SPIDR: variants seen among roughly 807,000 people sequenced by gnomAD.
The protein encoded by SPIDR is scaffold protein involved in DNA repair.
Under a neutral mutation model 104.6 loss-of-function variants are expected in SPIDR, and 93 were observed. The ratio of observed to expected loss-of-function variants is 0.89; its 90% CI spans 0.75 to 1.06. The LOEUF (loss-of-function observed/expected upper bound fraction) is 1.06, where lower values mean the gene tolerates loss of function less well. Ranked by LOEUF, SPIDR falls within the 50% of genes least tolerant of loss-of-function variation. The pLI is 0.00. For missense variants in SPIDR, 1,154 were observed against 1,111.2 expected, an observed-to-expected ratio of 1.04 and a Z score of -0.55; for synonymous variants, 431 against 416.9, an observed-to-expected ratio of 1.03 and a Z score of -0.41.
At chr8:47,551,864 G>A (rs2090546940) in intron 8 of SPIDR, among the ~76,000 whole-genome samples, 1 of 152,004 alleles carries the variant, frequency 6.6e-6, no homozygotes, top group Non-Finnish European at 1.5e-5. Context: ...TGTGATGTTA[G>A]GGTGTCAATT....
chr8:47,422,512 C>G (rs1357473352), intron 7 of SPIDR, among the ~76,000 whole-genome samples: 1 of 152,222 alleles, frequency 6.6e-6, no homozygotes, highest in Non-Finnish European at 1.5e-5. Flanking sequence ...TCTGTCACCC[C>G]TTTCCTTAGC....
intron 5 of SPIDR, among the ~76,000 whole-genome samples, chr8:47,312,491 T>A (rs2044392964): frequency 6.6e-6 from 1 of 152,230 alleles, no homozygotes; most frequent in African/African-American, 2.4e-5. Context: ...CATTTTTTCA[T>A]GTGTTTTTTG....
At chr8:47,728,789 G>C (rs2084725755) in intron 17 of SPIDR, 144 bp from the exon 18 acceptor site, 1 of 870,856 alleles carries the variant, frequency 1.1e-6, no homozygotes, top group East Asian at 2.7e-5. Flanking sequence ...GCAGCTGCAG[G>C]CCTCTCTCAG....
chr8:47,396,326 A>ATC (rs1588143168), intron 5 of SPIDR, 50 bp from the exon 6 acceptor site: 1 of 1,448,772 alleles, frequency 6.9e-7, no homozygotes, highest in East Asian at 2.3e-5. Context: ...GGACTTGAAT[A>ATC]AAGTATCCTT....
At chr8:47,706,896 T>C (rs2081168628) in intron 14 of SPIDR, among the ~76,000 whole-genome samples, 1 of 152,100 alleles carries the variant, frequency 6.6e-6, no homozygotes, top group African/African-American at 2.4e-5. Flanking sequence ...GGCAGGAGGA[T>C]CACTTGAGGC....
At position 47,405,291 on chromosome 8, in the gene SPIDR, CGTGTGT is replaced by C. The variant is rs34302817; in HGVS notation, c.777-2543_777-2538del. The stretch of plus-strand genomic sequence containing the variant: ...ACGGGTGCAGCACACCAACATGGCA[CGTGTGT>C]GTGTGTGTGTGTGTGTGTGTGTGTG... On this transcript the variant is annotated intron_variant, in intron 6 of 19. Coordinates refer to ENST00000297423, the MANE Select transcript of SPIDR (RefSeq NM_001080394.4). Among the ~76,000 whole-genome samples the C allele has an allele frequency of 1.3e-3, 188 of 144,990 alleles. 1 individual carries two copies. The highest frequency in any genetic ancestry group is 6.3e-3 in the East Asian group (31 of 4,884).
intron 1 of SPIDR, among the ~76,000 whole-genome samples, chr8:47,267,748 C>G (rs1291890170): frequency 1.3e-5 from 2 of 152,140 alleles, no homozygotes; most frequent in Non-Finnish European, 2.9e-5. Flanking sequence ...GTATACTGTT[C>G]CCCTATAAGA....
chr8:47,339,923 C>T (rs1272565711), intron 5 of SPIDR, among the ~76,000 whole-genome samples: 1 of 152,056 alleles, frequency 6.6e-6, no homozygotes, highest in African/African-American at 2.4e-5. Flanking sequence ...TCGTGATCCA[C>T]CTGCCTCGGC....
chr8:47,556,482 A>G (rs542615258), intron 8 of SPIDR, among the ~76,000 whole-genome samples: 73 of 152,362 alleles, frequency 4.8e-4, no homozygotes, highest in Non-Finnish European at 2.4e-4. Flanking sequence ...TTAGCCAGCA[A>G]CCTATAATGC....
intron 8 of SPIDR, among the ~76,000 whole-genome samples, chr8:47,507,678 T>C (rs1232041407): frequency 1.3e-5 from 2 of 152,232 alleles, no homozygotes; most frequent in Non-Finnish European, 2.9e-5. Flanking sequence ...GGACACAGTA[T>C]CCTGGACATG....
chr8:47,358,533 T>G (rs1167778257), intron 5 of SPIDR, among the ~76,000 whole-genome samples: 2 of 152,170 alleles, frequency 1.3e-5, no homozygotes, highest in Non-Finnish European at 2.9e-5. Context: ...GAAGACAGGA[T>G]CTAACACTAG....
chr8:47,465,120 A>G (rs2074565292), intron 8 of SPIDR, among the ~76,000 whole-genome samples: 1 of 152,208 alleles, frequency 6.6e-6, no homozygotes, highest in Non-Finnish European at 1.5e-5. Context: ...CAGCCAAACT[A>G]AGCCTCATAA....
chr8:47,724,711 G>A (rs1456263724), intron 16 of SPIDR, among the ~76,000 whole-genome samples: 1 of 152,202 alleles, frequency 6.6e-6, no homozygotes, highest in East Asian at 1.9e-4. Context: ...TTCTGAGCAT[G>A]GAGCAGTCAC....
At chr8:47,386,133 T>A (rs2059879591) in intron 5 of SPIDR, among the ~76,000 whole-genome samples, 1 of 152,056 alleles carries the variant, frequency 6.6e-6, no homozygotes, top group Non-Finnish European at 1.5e-5. Context: ...TATTTTTATA[T>A]GCAATCTTAT....
intron 8 of SPIDR, among the ~76,000 whole-genome samples, chr8:47,459,848 C>T (rs1554712368): frequency 6.6e-6 from 1 of 152,070 alleles, no homozygotes; most frequent in African/African-American, 2.4e-5. Context: ...TATTATCTTT[C>T]AGTTTGAATA....
At chr8:47,703,734 G>T (rs1196317075) in intron 14 of SPIDR, among the ~76,000 whole-genome samples, 1 of 152,206 alleles carries the variant, frequency 6.6e-6, no homozygotes, top group Admixed American at 6.5e-5. Context: ...TACAGGCCTA[G>T]CCCACAGGCC....
rs568406896 is a variant in SPIDR at position 47,735,591 on chromosome 8, G to T, written c.*141G>T. The T allele has an allele frequency of 1.2e-5, 18 of 1,485,894 alleles. No homozygotes were observed. The highest frequency in any genetic ancestry group is 1.6e-5 in the Non-Finnish European group (18 of 1,104,250). The allele number at this position is 1,485,894 out of a possible 1,614,324, so 92.0% of individuals were successfully genotyped here. A position where few individuals can be genotyped will look rare whatever the true frequency, so the allele number is the denominator to read the frequency against. On this transcript the variant is annotated 3_prime_UTR_variant, in exon 20 of 20. Coordinates refer to ENST00000297423, the MANE Select transcript of SPIDR (RefSeq NM_001080394.4). ...GAAATGAAACTTAGATTTTTCTGGGGAAATGTTCAGATACAGTTTTGTGAA... is the reference window on the plus strand; with the variant it reads ...GAAATGAAACTTAGATTTTTCTGGGTAAATGTTCAGATACAGTTTTGTGAA...
At chr8:47,294,991 T>C (rs1398318349) in intron 5 of SPIDR, among the ~76,000 whole-genome samples, 6 of 152,208 alleles carry the variant, frequency 3.9e-5, no homozygotes, top group African/African-American at 9.6e-5. Context: ...TTTGCTGTCA[T>C]TGTTTTTTCC....
intron 5 of SPIDR, among the ~76,000 whole-genome samples, chr8:47,344,575 A>C (rs1319980614): frequency 6.6e-6 from 1 of 152,248 alleles, no homozygotes; most frequent in African/African-American, 2.4e-5. Context: ...ACCAGTTTAC[A>C]GTCTCACCAA....
Sources: allele counts gnomAD v4.1 joint callset (sites outside exome capture counted in the v4.1 genomes callset), GRCh38; gene constraint gnomAD v4.1.1; transcripts MANE v1.5; gene names NCBI Gene and HGNC (gene_info 2026-07-23, HGNC 2026-07-21).